Variants in CIAO2A observed in about 807,000 individuals in gnomAD.
CIAO2A encodes cytosolic iron-sulfur assembly component 2A.
CIAO2A carries 17 observed loss-of-function variants against 22.4 expected under a neutral mutation model. The observed-to-expected ratio is 0.76, with a 90% CI of 0.52 to 1.14. The LOEUF is 1.14. CIAO2A is among the 50% of genes most tolerant of loss of function. The pLI is 0.00. For synonymous variants in CIAO2A, 74 were observed against 72.3 expected (o/e 1.02, Z -0.12); for missense variants, 192 against 191.4 (o/e 1.00, Z -0.02).
chr15:64,093,204 C>G (rs916278173), intron 1 of CIAO2A, among the ~76,000 whole-genome samples: 1 of 152,204 alleles, frequency 6.6e-6, no homozygotes, highest in Admixed American at 6.5e-5. Flanking sequence ...CAGTCCCCAA[C>G]TCGACTGTCA....
intron 2 of CIAO2A, among the ~76,000 whole-genome samples, chr15:64,084,769 C>CA (rs1174696252): frequency 6.6e-6 from 1 of 151,244 alleles, no homozygotes; most frequent in Non-Finnish European, 1.5e-5. Flanking sequence ...AACTCCGTCT[C>CA]AAAAAATAAA....
At chr15:64,087,144 T>G (rs894794807) in intron 2 of CIAO2A, among the ~76,000 whole-genome samples, 1 of 134,224 alleles carries the variant, frequency 7.5e-6, no homozygotes, top group Non-Finnish European at 1.5e-5. Context: ...CAGGCTGGAG[T>G]GCAGTGGTGC....
At position 64,072,837 on chromosome 15, in the gene CIAO2A, T is replaced by C. The variant is rs558427010; in HGVS notation, c.*94A>G. Reference sequence around the variant, plus strand: ...TTTAAAAAATACTCTGAGGTACAAATCACCTATGTATTAAACATGAGTCTC... The same window carrying C: ...TTTAAAAAATACTCTGAGGTACAAACCACCTATGTATTAAACATGAGTCTC... On this transcript the variant is annotated 3_prime_UTR_variant, in exon 5 of 5. Transcript: ENST00000300030. 9.3e-4 allele frequency: 700 copies of C among 756,088 alleles called. 2 individuals are homozygous for C. Among genetic ancestry groups the C allele is most frequent in the Non-Finnish European group, 1.2e-3 (568 of 460,806 alleles). The allele number at this position is 756,088 out of a possible 1,614,324, so 46.8% of individuals were successfully genotyped here. A position where few individuals can be genotyped will look rare whatever the true frequency, so the allele number is the denominator to read the frequency against.
intron 3 of CIAO2A, among the ~76,000 whole-genome samples, chr15:64,077,623 A>G (rs973332161): frequency 6.6e-6 from 1 of 152,374 alleles, no homozygotes; most frequent in Admixed American, 6.5e-5. Flanking sequence ...ACTGAATCTA[A>G]CCAGGAAACA....
chr15:64,091,982 C>T (rs188713798), intron 1 of CIAO2A, among the ~76,000 whole-genome samples: 1 of 150,770 alleles, frequency 6.6e-6, no homozygotes, highest in Non-Finnish European at 1.5e-5. Context: ...ATGGCTTGAG[C>T]CCTGGAGGTG....
chr15:64,091,450 A>C (rs1595961879), intron 1 of CIAO2A, among the ~76,000 whole-genome samples: 1 of 150,058 alleles, frequency 6.7e-6, no homozygotes. Flanking sequence ...GTGTCACTGC[A>C]CTCTAGCCTG....
At chr15:64,078,792 G>A (rs531228766) in intron 3 of CIAO2A, among the ~76,000 whole-genome samples, 15 of 152,224 alleles carry the variant, frequency 9.9e-5, no homozygotes, top group East Asian at 9.7e-4. Context: ...CCTGTAATCC[G>A]AAACACTTTG....
intron 1 of CIAO2A, among the ~76,000 whole-genome samples, chr15:64,092,151 T>C (rs1224274030): frequency 6.6e-6 from 1 of 152,014 alleles, no homozygotes; most frequent in Admixed American, 6.6e-5. Flanking sequence ...CACTGCACTA[T>C]TAAAATTCTT....
intron 3 of CIAO2A, among the ~76,000 whole-genome samples, chr15:64,080,089 T>C (rs1301573452): frequency 6.6e-6 from 1 of 152,076 alleles, no homozygotes; most frequent in Non-Finnish European, 1.5e-5. Context: ...GAAATAAAAA[T>C]CACAACCACC....
chr15:64,084,626 AGGTGTGGTGGTGCAT>A (rs1012496791), intron 2 of CIAO2A, among the ~76,000 whole-genome samples: 12 of 152,018 alleles, frequency 7.9e-5, no homozygotes, highest in African/African-American at 2.9e-4. Flanking sequence ...AAAATTAGCC[AGGTGTGGTGGTGCAT>A]GTCTGTAATC....
At chr15:64,077,035 G>A (rs912449171) in intron 3 of CIAO2A, among the ~76,000 whole-genome samples, 6 of 152,122 alleles carry the variant, frequency 3.9e-5, no homozygotes, top group Non-Finnish European at 1.5e-5. Context: ...AAAACAAGCC[G>A]GGCGTGGTGG....
chr15:64,085,900 G>C (rs913573872), intron 2 of CIAO2A, among the ~76,000 whole-genome samples: 1 of 151,688 alleles, frequency 6.6e-6, no homozygotes, highest in African/African-American at 2.4e-5. Flanking sequence ...GGTAGAGACA[G>C]GGTTTCACTA....
At chr15:64,078,115 C>A (rs2080732303) in intron 3 of CIAO2A, among the ~76,000 whole-genome samples, 1 of 152,082 alleles carries the variant, frequency 6.6e-6, no homozygotes, top group Non-Finnish European at 1.5e-5. Context: ...CTATTCTTCA[C>A]TATTTTATTT....
chr15:64,091,989 G>A (rs2080842925), intron 1 of CIAO2A, among the ~76,000 whole-genome samples: 1 of 150,724 alleles, frequency 6.6e-6, no homozygotes, highest in South Asian at 2.1e-4. Context: ...GAGCCCTGGA[G>A]GTGGATGGAG....
intron 2 of CIAO2A, 89 bp from the exon 3 acceptor site, chr15:64,081,240 A>G (rs2080757388): frequency 1.6e-6 from 2 of 1,253,030 alleles, no homozygotes; most frequent in East Asian, 2.4e-5. Flanking sequence ...ATGTGCCCCC[A>G]TACAACACAG....
At chr15:64,075,736 C>T (rs570966264) in intron 3 of CIAO2A, among the ~76,000 whole-genome samples, 199 bp from the exon 4 acceptor site, 24 of 151,032 alleles carry the variant, frequency 1.6e-4, no homozygotes, top group African/African-American at 5.1e-4. Flanking sequence ...CTGCAACCTC[C>T]GCCTCCTGGG....
At position 64,075,392 on chromosome 15, in the gene CIAO2A, G is replaced by T. The variant is rs560671706; in HGVS notation, c.385+100C>A. ...CCAATAACCAATTGTGCACTTTTTT[G>T]AAAGTAACCCAGTAGATTCTTGGCT... On this transcript the variant is annotated intron_variant, in intron 4 of 4. Coordinates refer to ENST00000300030, the MANE Select transcript of CIAO2A (RefSeq NM_032231.7). 55 of 734,276 alleles carry T rather than the reference G, an allele frequency of 7.5e-5. 1 individual carries two copies. The South Asian group carries it at 1.1e-3, about 15-fold the overall frequency. The allele number at this position is 734,276 out of a possible 1,614,324, so 45.5% of individuals were successfully genotyped here. A position where few individuals can be genotyped will look rare whatever the true frequency, so the allele number is the denominator to read the frequency against.
chr15:64,090,008 T>C (rs1251873974), intron 1 of CIAO2A, among the ~76,000 whole-genome samples: 2 of 152,072 alleles, frequency 1.3e-5, no homozygotes, highest in African/African-American at 2.4e-5. Flanking sequence ...AAAGAATAAG[T>C]AGAACCTTGG....
intron 2 of CIAO2A, among the ~76,000 whole-genome samples, chr15:64,084,948 C>T (rs1411521525): frequency 6.6e-6 from 1 of 151,464 alleles, no homozygotes; most frequent in Non-Finnish European, 1.5e-5. Context: ...CAAAAATTAG[C>T]TGGGCTTGGT....
Sources: gnomAD v4.1 joint callset for allele counts (sites outside exome capture counted in the v4.1 genomes callset) on GRCh38, gnomAD v4.1.1 for gene constraint, MANE v1.5 for transcripts, NCBI Gene and HGNC (gene_info 2026-07-23, HGNC 2026-07-21) for gene names.